The following DOCK3 variants were observed in gnomAD, a reference collection of about 807,000 sequenced individuals.
The protein encoded by DOCK3 is dedicator of cytokinesis 3, also known as dedicator of cytokinesis protein 3.
DOCK3 carries 60 observed loss-of-function variants against 265.6 expected under a neutral mutation model. The ratio of observed to expected loss-of-function variants is 0.23; its 90% CI spans 0.18 to 0.28. DOCK3 has a LOEUF of 0.28. Among genes scored for constraint, DOCK3 ranks in the 10% least tolerant of loss-of-function variants. The pLI, the probability that DOCK3 is intolerant of heterozygous loss-of-function variation, is 1.00. For synonymous variants in DOCK3, 881 were observed against 938.0 expected, an observed-to-expected ratio of 0.94 and a Z score of 1.11; for missense variants, 1,981 against 2,594.3, an observed-to-expected ratio of 0.76 and a Z score of 5.14.
At chr3:51,230,825 A>G (rs1268824450) in intron 19 of DOCK3, among the ~76,000 whole-genome samples, 1 of 151,826 alleles carries the variant, frequency 6.6e-6, no homozygotes, top group Non-Finnish European at 1.5e-5. Flanking sequence ...TATGTACCAC[A>G]TTTCCTTTAT....
At chr3:51,261,962 G>A (rs537516617) in intron 23 of DOCK3, among the ~76,000 whole-genome samples, 12 of 152,288 alleles carry the variant, frequency 7.9e-5, no homozygotes, top group African/African-American at 2.6e-4. Context: ...AGAACACCTC[G>A]GGGAAGGGGC....
In DOCK3 at chr3:50,675,962, TC is replaced by T. The variant is rs2033927536; in HGVS notation, c.37+664del. ...TTTTTTAATGTTGTAAGTGTTAAAC[TC>T]CAGAAGCTAAATAATTCTTACAATA... On this transcript the variant is annotated intron_variant, in intron 1 of 52. Transcript: ENST00000266037. The surrounding 1 kb of genome is among the most constrained non-coding windows in gnomAD (Gnocchi z 6.1). 6.6e-6 allele frequency among the ~76,000 whole-genome samples: 1 copy of T among 152,192 alleles called. No homozygotes were observed. Among genetic ancestry groups the T allele is most frequent in the African/African-American group, 2.4e-5 (1 of 41,454 alleles).
At chr3:50,972,710 A>G (rs1399201394) in intron 5 of DOCK3, among the ~76,000 whole-genome samples, 1 of 152,134 alleles carries the variant, frequency 6.6e-6, no homozygotes, top group East Asian at 1.9e-4. Context: ...GTGGAAACAC[A>G]AGCACTGAGG....
At chr3:50,841,620 GTCTC>G in intron 2 of DOCK3, 51 bp from the exon 3 acceptor site, 18 of 760,866 alleles carry the variant, frequency 2.4e-5, no homozygotes, top group Non-Finnish European at 3.6e-5. Flanking sequence ...ATACTATTGT[GTCTC>G]TTATTGAACA....
intron 11 of DOCK3, among the ~76,000 whole-genome samples, chr3:51,160,277 CTT>C (rs1193737031): frequency 6.6e-6 from 1 of 152,216 alleles, no homozygotes; most frequent in Admixed American, 6.5e-5. Flanking sequence ...CATAAAATCA[CTT>C]TTATTCTCAT....
At chr3:51,340,270 G>T (rs1042157000) in intron 37 of DOCK3, among the ~76,000 whole-genome samples, 2 of 152,184 alleles carry the variant, frequency 1.3e-5, no homozygotes, top group African/African-American at 4.8e-5. Flanking sequence ...AAGAATATAG[G>T]CAAGGAAGAA....
At chr3:51,058,092 C>T (rs1397880698) in intron 5 of DOCK3, among the ~76,000 whole-genome samples, 3 of 152,114 alleles carry the variant, frequency 2.0e-5, no homozygotes, top group African/African-American at 4.8e-5. Context: ...CCTTTGAAGG[C>T]TCAGCTGGGC....
At chr3:51,264,254 C>CTCA (rs1226450529) in intron 23 of DOCK3, among the ~76,000 whole-genome samples, 1 of 152,168 alleles carries the variant, frequency 6.6e-6, no homozygotes, top group Non-Finnish European at 1.5e-5. Context: ...GATTAAGAAA[C>CTCA]TCACTCAAAA....
At chr3:50,755,758 A>G (rs988333282) in intron 1 of DOCK3, among the ~76,000 whole-genome samples, 10 of 152,190 alleles carry the variant, frequency 6.6e-5, no homozygotes, top group Non-Finnish European at 2.9e-5. Flanking sequence ...ATGGAATCAT[A>G]TAATATATAC....
intron 9 of DOCK3, among the ~76,000 whole-genome samples, chr3:51,102,854 G>A (rs1485587025): frequency 6.6e-6 from 1 of 152,180 alleles, no homozygotes; most frequent in Non-Finnish European, 1.5e-5. Context: ...TTTTGTTGAT[G>A]TGTAAACTTC....
intron 1 of DOCK3, among the ~76,000 whole-genome samples, chr3:50,705,784 C>G (rs552666455): frequency 6.6e-6 from 1 of 152,278 alleles, no homozygotes; most frequent in Non-Finnish European, 1.5e-5. Flanking sequence ...AATCCCAGCA[C>G]TTTAGCAGGC....
intron 12 of DOCK3, among the ~76,000 whole-genome samples, chr3:51,193,801 C>CTTTTTTTTTTTTTT (rs36051516): frequency 7.9e-6 from 1 of 126,678 alleles, no homozygotes; most frequent in South Asian, 2.5e-4. Context: ...GGGCTTCTCT[C>CTTTTTTTTTTTTTT]TTTTTTTTTT....
intron 13 of DOCK3, among the ~76,000 whole-genome samples, chr3:51,209,612 C>G (rs1360027383): frequency 6.6e-6 from 1 of 152,212 alleles, no homozygotes; most frequent in African/African-American, 2.4e-5. Flanking sequence ...ACCTCTTTTA[C>G]ATAATCTTCT....
chr3:50,977,838 C>T (rs930270535), intron 5 of DOCK3, among the ~76,000 whole-genome samples: 3 of 151,786 alleles, frequency 2.0e-5, no homozygotes, highest in African/African-American at 4.8e-5. Context: ...AGGCTTTGCT[C>T]ATTTCTTTTT....
At chr3:50,977,902 C>T (rs2077523903) in intron 5 of DOCK3, among the ~76,000 whole-genome samples, 1 of 151,928 alleles carries the variant, frequency 6.6e-6, no homozygotes, top group Non-Finnish European at 1.5e-5. Context: ...TTTCATCTTC[C>T]ATCGCTGATA....
At chr3:50,929,150 T>C (rs1475426962) in intron 4 of DOCK3, among the ~76,000 whole-genome samples, 2 of 152,228 alleles carry the variant, frequency 1.3e-5, no homozygotes, top group African/African-American at 4.8e-5. Context: ...TTGAACATTA[T>C]AGAGTCTTCA....
At chr3:50,854,770 T>G (rs1170526915) in intron 3 of DOCK3, among the ~76,000 whole-genome samples, 1 of 151,654 alleles carries the variant, frequency 6.6e-6, no homozygotes, top group Non-Finnish European at 1.5e-5. Context: ...TTTCAGGTCT[T>G]AATTTAAGTT....
At chr3:50,735,071 T>G (rs1050835886) in intron 1 of DOCK3, among the ~76,000 whole-genome samples, 1 of 152,204 alleles carries the variant, frequency 6.6e-6, no homozygotes, top group Non-Finnish European at 1.5e-5. Flanking sequence ...GAAAGACAGC[T>G]TTGCCAAGTA....
chr3:50,801,638 T>C (rs2043074150), intron 2 of DOCK3, among the ~76,000 whole-genome samples: 1 of 152,330 alleles, frequency 6.6e-6, no homozygotes, highest in Non-Finnish European at 1.5e-5. Flanking sequence ...TCCTGGAGAA[T>C]GTTCAATGGG....
Sources: allele counts gnomAD v4.1 joint callset (sites outside exome capture counted in the v4.1 genomes callset), GRCh38; gene constraint gnomAD v4.1.1; non-coding constraint Gnocchi (gnomAD v3.1); transcripts MANE v1.5; gene names NCBI Gene and HGNC (gene_info 2026-07-23, HGNC 2026-07-21).